The following EDA variants were observed in gnomAD, a reference collection of about 807,000 sequenced individuals.
EDA encodes ectodysplasin-A.
EDA carries 2 observed loss-of-function variants against 23.6 expected under a neutral mutation model. That is an observed-to-expected ratio of 0.08 (90% CI 0.03 to 0.27). EDA has a LOEUF of 0.27. EDA is among the 10% of genes least tolerant of loss of function. EDA has a pLI of 1.00. For synonymous variants in EDA, 131 were observed against 132.0 expected (o/e 0.99, Z 0.05); for missense variants, 229 against 324.2 (o/e 0.71, Z 2.26).
At chrX:69,796,877 A>G (rs753082894) in intron 1 of EDA, among the ~76,000 whole-genome samples, 2 of 111,226 alleles carry the variant, frequency 1.8e-5, no homozygotes, top group African/African-American at 6.5e-5. Context: ...GATAGATATC[A>G]TAAAAAAGAA....
chrX:69,960,738 C>T (rs1411202379), intron 2 of EDA, among the ~76,000 whole-genome samples: 2 of 110,219 alleles, frequency 1.8e-5, no homozygotes, highest in African/African-American at 3.3e-5. Flanking sequence ...ACTATCTAAG[C>T]TCAGGTTTGC....
At chrX:69,856,618 A>G (rs2017259071) in intron 1 of EDA, among the ~76,000 whole-genome samples, 1 of 110,206 alleles carries the variant, frequency 9.1e-6, no homozygotes, top group East Asian at 2.9e-4. Context: ...ATAATTTGTG[A>G]TGTTGAGCAT....
Position 70,035,601 on chromosome X carries a change from G to A in EDA, c.1168G>A (p.Ala390Thr), listed in dbSNP as rs746523921. 6.6e-6 allele frequency: 8 copies of A among 1,207,420 alleles called. No individual in the cohort carries two copies. The Admixed American group carries it at 1.8e-4, about 27-fold the overall frequency. Reference protein sequence around the residue: ...FGAIRLGEAPAS With the variant: ...FGAIRLGEAPTS ...GGCCATCAGGCTGGGTGAAGCCCCTGCATCCTAGATTCCCCCCATTTTGCC... is the reference window on the plus strand; with the variant it reads ...GGCCATCAGGCTGGGTGAAGCCCCTACATCCTAGATTCCCCCCATTTTGCC... Residue 390 changes from alanine to threonine, a missense_variant, in exon 8 of 8, where the codon GCA becomes ACA. Ala to Thr is a moderately conservative substitution (Grantham distance 58). This residue lies in a region of EDA where 175 missense variants were observed against 281.8 expected (regional missense o/e 0.62). Coordinates refer to ENST00000374552, the MANE Select transcript of EDA (RefSeq NM_001399.5).
chrX:69,888,384 A>G (rs551862752), intron 1 of EDA, among the ~76,000 whole-genome samples: 1 of 110,653 alleles, frequency 9.0e-6, no homozygotes, highest in South Asian at 3.9e-4. Flanking sequence ...AGAAAGAAAC[A>G]AAGGACCTAC....
chrX:69,718,344 G>A (rs983641052), intron 1 of EDA, among the ~76,000 whole-genome samples: 1 of 110,379 alleles, frequency 9.1e-6, no homozygotes, highest in African/African-American at 3.3e-5. Context: ...ACTGTGTTTA[G>A]TATTGAGAAC....
rs1431272225 is a variant in EDA at position 69,760,545 on chromosome X, CAT to C, written c.396+143844_396+143845del. Among the ~76,000 whole-genome samples, 3 of 112,171 alleles carry C rather than the reference CAT, an allele frequency of 2.7e-5. No homozygotes were observed. The Admixed American group carries it at 2.9e-4, about 11-fold the overall frequency. On this transcript the variant is annotated intron_variant, in intron 1 of 7. Coordinates refer to ENST00000374552, the MANE Select transcript of EDA (RefSeq NM_001399.5). Reference sequence around the variant, plus strand: ...TCTTTTTCACTTGTGTTCATATGCTCATATGTTTTCTTTGGTCTCACAAAACT... The same window carrying C: ...TCTTTTTCACTTGTGTTCATATGCTCATGTTTTCTTTGGTCTCACAAAACT...
At chrX:69,813,576 ACTAT>A (rs2016011023) in intron 1 of EDA, among the ~76,000 whole-genome samples, 1 of 111,969 alleles carries the variant, frequency 8.9e-6, no homozygotes, top group South Asian at 3.7e-4. Context: ...AAGAACAGGG[ACTAT>A]CTATCTTCGG....
chrX:69,810,433 C>T (rs1455658882), intron 1 of EDA, among the ~76,000 whole-genome samples: 5 of 107,250 alleles, frequency 4.7e-5, no homozygotes, highest in Non-Finnish European at 7.7e-5. Flanking sequence ...AAGGGCCTCC[C>T]TGCGGTGATT....
At chrX:70,035,268 C>G (rs369869293) in intron 7 of EDA, 90 bp from the exon 8 acceptor site, 1 of 1,050,548 alleles carries the variant, frequency 9.5e-7, no homozygotes. Flanking sequence ...AACAGCTCAT[C>G]TGAGAAGATT....
intron 1 of EDA, among the ~76,000 whole-genome samples, chrX:69,647,038 G>T (rs1190990266): frequency 8.9e-6 from 1 of 111,746 alleles, no homozygotes. Context: ...CTTCTGGCTT[G>T]TAGGGTTTCT....
intron 1 of EDA, among the ~76,000 whole-genome samples, chrX:69,643,393 C>A (rs1028560587): frequency 4.5e-5 from 5 of 110,692 alleles, no homozygotes; most frequent in Admixed American, 2.9e-4. Context: ...GGTATTAAGC[C>A]CAGCATCCAT....
intron 3 of EDA, among the ~76,000 whole-genome samples, chrX:70,023,475 A>ATT (rs2020065686): frequency 4.2e-5 from 1 of 23,690 alleles, no homozygotes; most frequent in Non-Finnish European, 7.6e-5. Flanking sequence ...CCTTCTTTTT[A>ATT]TTCTTTTTTT....
intron 1 of EDA, among the ~76,000 whole-genome samples, chrX:69,701,756 A>T (rs1373287162): frequency 9.0e-6 from 1 of 111,038 alleles, no homozygotes; most frequent in African/African-American, 3.3e-5. Context: ...TGGGTGATTT[A>T]TGAAAGTTTT....
At chrX:69,824,374 T>G (rs1358323255) in intron 1 of EDA, among the ~76,000 whole-genome samples, 1 of 109,265 alleles carries the variant, frequency 9.2e-6, no homozygotes, top group Non-Finnish European at 1.9e-5. Context: ...TTTATTTCCT[T>G]GAGCAGTGGT....
At chrX:69,802,240 C>CA (rs1011497262) in intron 1 of EDA, among the ~76,000 whole-genome samples, 3 of 106,537 alleles carry the variant, frequency 2.8e-5, no homozygotes, top group Middle Eastern at 4.9e-3. Flanking sequence ...TAGTGCTGAG[C>CA]AAAAAAAACA....
intron 1 of EDA, among the ~76,000 whole-genome samples, chrX:69,883,260 C>T (rs988126748): frequency 1.8e-5 from 2 of 111,756 alleles, no homozygotes; most frequent in African/African-American, 6.5e-5. Flanking sequence ...CCACCTCTTC[C>T]ATTTTCATAT....
intron 1 of EDA, among the ~76,000 whole-genome samples, chrX:69,723,773 T>C (rs746838804): frequency 8.9e-6 from 1 of 112,038 alleles, no homozygotes; most frequent in South Asian, 3.7e-4. Context: ...TGCTGTAGTT[T>C]GGTTACTTCT....
chrX:69,657,461 G>A (rs1477329954), intron 1 of EDA, among the ~76,000 whole-genome samples: 1 of 111,966 alleles, frequency 8.9e-6, no homozygotes, highest in African/African-American at 3.2e-5. Context: ...TTCTTTCACT[G>A]TGCAGAAGCT....
chrX:69,888,432 AAGTCC>A (rs1255581492), intron 1 of EDA, among the ~76,000 whole-genome samples: 2 of 109,698 alleles, frequency 1.8e-5, no homozygotes, highest in East Asian at 5.8e-4. Context: ...TGACAGTGAT[AAGTCC>A]TTACCTATCA....
Sources: allele counts gnomAD v4.1 joint callset (sites outside exome capture counted in the v4.1 genomes callset), GRCh38; gene constraint gnomAD v4.1.1; regional missense constraint gnomAD v4.1.1; transcripts MANE v1.5; gene names NCBI Gene and HGNC (gene_info 2026-07-23, HGNC 2026-07-21).